ERC1: variants seen among roughly 807,000 people sequenced by gnomAD.
ERC1 encodes the protein ELKS/RAB6-interacting/CAST family member 1, also known as RAB6 interacting protein 2.
ERC1 carries 56 observed loss-of-function variants against 132.0 expected under a neutral mutation model. The ratio of observed to expected loss-of-function variants is 0.42; its 90% confidence interval spans 0.34 to 0.53. The LOEUF is 0.53. ERC1 is among the 20% of genes least tolerant of loss of function. The probability of loss-of-function intolerance (pLI) is 0.03; values close to 1 mark genes in which losing one functional copy is unlikely to be tolerated. For synonymous variants in ERC1, 478 were observed against 476.1 expected, an observed-to-expected ratio of 1.00 and a Z score of -0.05; for missense variants, 1,202 against 1,349.9, an observed-to-expected ratio of 0.89 and a Z score of 1.72.
intron 16 of ERC1, among the ~76,000 whole-genome samples, chr12:1,375,260 A>G (rs933026150): frequency 2.0e-5 from 3 of 152,180 alleles, no homozygotes; most frequent in Non-Finnish European, 2.9e-5. Flanking sequence ...CACATCTTAC[A>G]TGGTGGCAGG....
At chr12:1,304,492 G>A (rs1055039737) in intron 15 of ERC1, among the ~76,000 whole-genome samples, 1 of 152,214 alleles carries the variant, frequency 6.6e-6, no homozygotes, top group Non-Finnish European at 1.5e-5. Flanking sequence ...CTGAGGTTTA[G>A]AGATAGTCTT....
At chr12:1,407,352 G>A (rs2091564808) in intron 16 of ERC1, among the ~76,000 whole-genome samples, 1 of 151,926 alleles carries the variant, frequency 6.6e-6, no homozygotes, top group African/African-American at 2.4e-5. Context: ...AATTGTAATA[G>A]TTGTTCAATT....
At chr12:1,165,896 A>G (rs1372598077) in intron 8 of ERC1, among the ~76,000 whole-genome samples, 2 of 152,174 alleles carry the variant, frequency 1.3e-5, no homozygotes, top group Non-Finnish European at 1.5e-5. Context: ...AACCATCATC[A>G]CTGTCCAATT....
intron 15 of ERC1, among the ~76,000 whole-genome samples, chr12:1,366,969 A>G (rs2086721548): frequency 6.6e-6 from 1 of 152,208 alleles, no homozygotes; most frequent in Non-Finnish European, 1.5e-5. Context: ...TATTTCAGTG[A>G]GGTCCACCCA....
intron 14 of ERC1, among the ~76,000 whole-genome samples, chr12:1,284,398 A>G (rs2078905486): frequency 6.6e-6 from 1 of 152,042 alleles, no homozygotes. Context: ...CACAGTAAAC[A>G]TGGGAGTGCA....
chr12:1,278,391 T>C (rs752710985), intron 14 of ERC1, among the ~76,000 whole-genome samples: 2 of 152,196 alleles, frequency 1.3e-5, no homozygotes, highest in Non-Finnish European at 2.9e-5. Context: ...TACCCAGATA[T>C]GTTCTAATGA....
intron 17 of ERC1, among the ~76,000 whole-genome samples, chr12:1,434,132 A>G (rs1033192948): frequency 1.3e-5 from 2 of 151,980 alleles, no homozygotes; most frequent in Non-Finnish European, 2.9e-5. Context: ...AGATTTTATC[A>G]TTTCACTCTT....
intron 14 of ERC1, among the ~76,000 whole-genome samples, chr12:1,273,224 T>C (rs1270037740): frequency 6.6e-6 from 1 of 152,352 alleles, no homozygotes; most frequent in Non-Finnish European, 1.5e-5. Flanking sequence ...GTCTTTGTAA[T>C]CTTAAATTGG....
rs367650677 is a variant in ERC1, at chr12:1,408,150, C to T, written c.2927C>T (p.Thr976Met). The T allele has an allele frequency of 5.0e-6, 8 of 1,611,236 alleles. No individual in the cohort carries two copies. In the Admixed American group the frequency reaches 5.0e-5, roughly 10 times the overall value. The change falls in exon 17 of 19, where the codon ACG (threonine) becomes ATG (methionine). Residue 976 changes from threonine to methionine, a missense_variant and splice_region_variant. By Grantham distance (81) the Thr-to-Met change is moderately conservative. Transcript: ENST00000360905. ...DRLVQQLKQQTQNRMKLMADN... is the reference protein window; with the variant it reads ...DRLVQQLKQQMQNRMKLMADN... ...ACCTTATGAATAATTTCTTCCTAGA[C>T]GCAAAATCGAATGAAGCTAATGGCC... is the stretch of plus-strand genomic sequence containing the variant.
intron 12 of ERC1, among the ~76,000 whole-genome samples, chr12:1,218,861 T>G (rs1301555928): frequency 3.3e-5 from 5 of 151,490 alleles, no homozygotes; most frequent in Admixed American, 1.3e-4. Flanking sequence ...CACACATATA[T>G]ATATATATTC....
chr12:1,122,627 C>CTG lies in ERC1; in HGVS notation c.1569+6595_1569+6596insGT, dbSNP rs1399946089. Reference sequence around the variant, plus strand: ...TCTCTATCTCTATCTCTATCTGTGTCTCTATCTCTATCTCTATCTCTATCT... The same window carrying CTG: ...TCTCTATCTCTATCTCTATCTGTGTCTGTCTATCTCTATCTCTATCTCTATCT... On this transcript the variant is annotated intron_variant, in intron 7 of 18. Transcript: ENST00000360905. Among the ~76,000 whole-genome samples the CTG allele has an allele frequency of 2.5e-3, 15 of 6,056 alleles. 4 individuals are homozygous for CTG. Among genetic ancestry groups the CTG allele is most frequent in the South Asian group, 0.015 (2 of 130 alleles). 4.0% of individuals were successfully genotyped at this position (6,056 alleles called of 152,430 possible).
chr12:1,412,237 T>C (rs544255234), intron 17 of ERC1, among the ~76,000 whole-genome samples: 3 of 152,248 alleles, frequency 2.0e-5, no homozygotes, highest in Non-Finnish European at 4.4e-5. Context: ...TTACAGAAGA[T>C]AGATTTTCTT....
chr12:1,114,012 C>A (rs1946170616), intron 6 of ERC1, among the ~76,000 whole-genome samples: 1 of 151,976 alleles, frequency 6.6e-6, no homozygotes, highest in Non-Finnish European at 1.5e-5. Context: ...CTCTGCTTTT[C>A]TTTTCTTTTT....
At chr12:1,115,620 G>T (rs1164492994) in intron 6 of ERC1, 1 of 371,930 alleles carries the variant, frequency 2.7e-6, no homozygotes, top group East Asian at 4.6e-5. Context: ...AGGTTTCAAA[G>T]AATATTTAGA....
At chr12:1,398,549 A>T (rs1164561953) in intron 16 of ERC1, among the ~76,000 whole-genome samples, 3 of 152,218 alleles carry the variant, frequency 2.0e-5, no homozygotes, top group African/African-American at 7.2e-5. Context: ...CTTTTAAAAA[A>T]ATATTTATTT....
At chr12:1,352,808 T>C (rs1235665325) in intron 15 of ERC1, among the ~76,000 whole-genome samples, 3 of 152,196 alleles carry the variant, frequency 2.0e-5, no homozygotes, top group African/African-American at 7.2e-5. Flanking sequence ...CTTTTTCTCT[T>C]TTTGTTTCTT....
Position 1,183,295 on chromosome 12 carries a change from T to A in ERC1, c.2031T>A (p.Asp677Glu). ...CCTTCTTTTAGGCTTCACTTTTGGA[T>A]CTGAAAGAGCATGCTTCTTCTCTGG... ...DLSEKEASLLDLKEHASSLAS... is the reference protein window; with the variant it reads ...DLSEKEASLLELKEHASSLAS... The change falls in exon 11 of 19, where the codon GAT becomes GAA. Residue 677 changes from aspartate (D) to glutamate (E), a missense_variant. Coordinates refer to ENST00000360905, the MANE Select transcript of ERC1 (RefSeq NM_178040.4). The A allele has an allele frequency of 6.4e-7, 1 of 1,562,872 alleles. No homozygotes were observed. Among genetic ancestry groups the A allele is most frequent in the Non-Finnish European group, 8.7e-7 (1 of 1,148,452 alleles).
intron 1 of ERC1, among the ~76,000 whole-genome samples, chr12:1,014,021 A>T (rs201601266): frequency 6.8e-6 from 1 of 147,506 alleles, no homozygotes; most frequent in African/African-American, 2.5e-5. Context: ...GTGCCTGGTG[A>T]TTTTTTTTTT....
chr12:1,055,741 C>G (rs2154171754), intron 2 of ERC1, among the ~76,000 whole-genome samples: 1 of 152,292 alleles, frequency 6.6e-6, no homozygotes, highest in Admixed American at 6.5e-5. Context: ...TTCAACTGAC[C>G]TAGGGACAGG....
Sources: gnomAD v4.1 joint callset for allele counts (sites outside exome capture counted in the v4.1 genomes callset) on GRCh38, gnomAD v4.1.1 for gene constraint, MANE v1.5 for transcripts, NCBI Gene and HGNC (gene_info 2026-07-23, HGNC 2026-07-21) for gene names.